The following SDAD1 variants were observed in gnomAD, a reference collection of about 807,000 sequenced individuals.
The protein encoded by SDAD1 is SDA1 domain containing 1.
A neutral mutation model predicts 100.3 loss-of-function variants in SDAD1; 79 were observed. The ratio of observed to expected loss-of-function variants is 0.79; its 90% CI spans 0.66 to 0.95. The LOEUF (loss-of-function observed/expected upper bound fraction) is 0.95, where lower values mean the gene tolerates loss of function less well. Among genes scored for constraint, SDAD1 ranks in the 40% least tolerant of loss-of-function variants. The pLI, the probability that SDAD1 is intolerant of heterozygous loss-of-function variation, is 0.00. For missense variants in SDAD1, 790 were observed against 810.9 expected (o/e 0.97, Z 0.31); for synonymous variants, 267 against 271.4 (o/e 0.98, Z 0.16).
At chr4:75,958,572 C>T (rs1165728097) in intron 17 of SDAD1, among the ~76,000 whole-genome samples, 5 of 152,142 alleles carry the variant, frequency 3.3e-5, no homozygotes, top group South Asian at 2.1e-4. Flanking sequence ...TTTAAGAGAA[C>T]GTGCCAGCTC....
At chr4:75,967,950 G>C (rs568160093) in intron 11 of SDAD1, among the ~76,000 whole-genome samples, 1 of 152,294 alleles carries the variant, frequency 6.6e-6, no homozygotes, top group South Asian at 2.1e-4. Flanking sequence ...ATTTCAAGAA[G>C]AGAAACTGGA....
chr4:75,967,171 T>C (rs1729594198), intron 12 of SDAD1, 106 bp downstream of exon 12: 2 of 1,033,468 alleles, frequency 1.9e-6, no homozygotes, highest in African/African-American at 1.6e-5. Flanking sequence ...ACATCTCTAA[T>C]GTAGAGCACA....
At chr4:75,961,948 T>C (rs1729259492) in intron 14 of SDAD1, among the ~76,000 whole-genome samples, 1 of 152,226 alleles carries the variant, frequency 6.6e-6, no homozygotes, top group Non-Finnish European at 1.5e-5. Flanking sequence ...GTGCACAACG[T>C]GCAGGTTTGT....
At chr4:75,959,662 C>G (rs1729119951) in intron 17 of SDAD1, among the ~76,000 whole-genome samples, 1 of 151,984 alleles carries the variant, frequency 6.6e-6, no homozygotes, top group African/African-American at 2.4e-5. Flanking sequence ...ATACACGACT[C>G]TGGAAATTAG....
chr4:75,975,075 TAAA>T (rs1730085570), intron 6 of SDAD1, among the ~76,000 whole-genome samples: 3 of 151,600 alleles, frequency 2.0e-5, no homozygotes, highest in Admixed American at 6.6e-5. Context: ...TTAAAAAAAA[TAAA>T]AACTGTAATA....
chr4:75,985,876 G>A (rs1730862017), intron 1 of SDAD1, among the ~76,000 whole-genome samples: 1 of 152,042 alleles, frequency 6.6e-6, no homozygotes, highest in Non-Finnish European at 1.5e-5. Context: ...AGTCCACTAA[G>A]CCTACTACCT....
At chr4:75,955,379 G>A (rs574506202) in intron 21 of SDAD1, among the ~76,000 whole-genome samples, 32 of 152,256 alleles carry the variant, frequency 2.1e-4, no homozygotes, top group Non-Finnish European at 3.8e-4. Flanking sequence ...TCTTGTGTGT[G>A]TCTTTTATTT....
At chr4:75,983,468 T>TTA (rs1275644709) in intron 1 of SDAD1, among the ~76,000 whole-genome samples, 1 of 152,246 alleles carries the variant, frequency 6.6e-6, no homozygotes, top group East Asian at 1.9e-4. Context: ...TTTCCTGACT[T>TTA]TTTAATGATT....
chr4:75,979,654 C>A (rs1730378192), intron 3 of SDAD1, among the ~76,000 whole-genome samples: 1 of 151,962 alleles, frequency 6.6e-6, no homozygotes, highest in African/African-American at 2.4e-5. Flanking sequence ...AGGGTTTCTC[C>A]ATGTAGGTCA....
chr4:75,988,314 G>A (rs1731024295), intron 1 of SDAD1, among the ~76,000 whole-genome samples: 1 of 152,022 alleles, frequency 6.6e-6, no homozygotes, highest in Admixed American at 6.6e-5. Context: ...TCCCTATTTG[G>A]AGCCACACTG....
At chr4:75,983,920 G>C (rs1458307353) in intron 1 of SDAD1, among the ~76,000 whole-genome samples, 1 of 151,930 alleles carries the variant, frequency 6.6e-6, no homozygotes, top group African/African-American at 2.4e-5. Context: ...TATGGTTTTA[G>C]GACTCTTGTT....
intron 21 of SDAD1, among the ~76,000 whole-genome samples, chr4:75,954,773 G>A (rs1354520341): frequency 6.6e-6 from 1 of 152,206 alleles, no homozygotes; most frequent in Non-Finnish European, 1.5e-5. Flanking sequence ...TGCAGTCAGG[G>A]AGGTTTCACA....
In SDAD1 at chr4:75,982,005, A is replaced by G; in HGVS notation, c.123T>C (p.Asn41=). ...FLQQYNHYKS[N]VEIFKLQPNK... The stretch of plus-strand genomic sequence containing the variant: ...TTGGTTGCAATTTGAAAATCTCCAC[A>G]TTGGATTTGTAGTGATTATACTGCT... The change falls in exon 2 of 22, where the codon AAT becomes AAC. Residue 41 remains asparagine (N), a synonymous_variant. Coordinates refer to ENST00000356260, the MANE Select transcript of SDAD1 (RefSeq NM_018115.4). The G allele has an allele frequency of 6.2e-7, 1 of 1,612,402 alleles. No individual in the cohort carries two copies.
chr4:75,956,724 G>A (rs1728917607), intron 20 of SDAD1, among the ~76,000 whole-genome samples: 1 of 152,154 alleles, frequency 6.6e-6, no homozygotes, highest in Non-Finnish European at 1.5e-5. Flanking sequence ...TAAATATAGT[G>A]GCTTCCTGAC....
chr4:75,985,214 C>A (rs1730820976), intron 1 of SDAD1, among the ~76,000 whole-genome samples: 2 of 152,096 alleles, frequency 1.3e-5, no homozygotes, highest in African/African-American at 4.8e-5. Context: ...CCCAGTATTC[C>A]CTGGCCATCC....
rs375225256 is a variant in SDAD1 at position 75,966,267 on chromosome 4, T to TACACACACACACACACACAC, written c.1046-465_1046-446dup. On this transcript the variant is annotated intron_variant, in intron 12 of 21. Transcript: ENST00000356260. ...AATAAATACTTGCTGAATGAATGCA[T>TACACACACACACACACACAC]ACACACACACACACACACACACACA... is the stretch of plus-strand genomic sequence containing the variant. 2.2e-5 allele frequency among the ~76,000 whole-genome samples: 3 copies of TACACACACACACACACACAC among 139,286 alleles called. No individual in the cohort carries two copies. The Admixed American group carries it at 2.2e-4, about 10-fold the overall frequency. The allele number at this position is 139,286 out of a possible 152,430, so 91.4% of individuals were successfully genotyped here. A position where few individuals can be genotyped will look rare whatever the true frequency, so the allele number is the denominator to read the frequency against.
chr4:75,955,936 A>G, intron 21 of SDAD1, 39 bp downstream of exon 21: 1 of 1,559,346 alleles, frequency 6.4e-7, no homozygotes, highest in Non-Finnish European at 8.6e-7. Context: ...TTGGAATTAC[A>G]GTGCTGTTCT....
In SDAD1 at chr4:75,975,811, C is replaced by G. The variant is rs762294094; in HGVS notation, c.511G>C (p.Asp171His). 1.2e-6 allele frequency: 2 copies of G among 1,613,880 alleles called. No individual in the cohort carries two copies. Among genetic ancestry groups the G allele is most frequent in the Non-Finnish European group, 1.7e-6 (2 of 1,179,940 alleles). The change falls in exon 6 of 22, where the codon GAT becomes CAT. Residue 171 changes from aspartate (D) to histidine (H), a missense_variant. Coordinates refer to ENST00000356260, the MANE Select transcript of SDAD1 (RefSeq NM_018115.4). ...LQNFMYTMLR[D>H]SNATAAKMSL... ...ATCTTGGCTGCGGTTGCATTGCTAT[C>G]TCTTAACATGGTGTACATGAAATTT...
chr4:75,954,593 T>A (rs1407481350), intron 21 of SDAD1, among the ~76,000 whole-genome samples: 1 of 152,096 alleles, frequency 6.6e-6, no homozygotes, highest in Non-Finnish European at 1.5e-5. Flanking sequence ...GGATCACTTG[T>A]AGGGAGACCC....
Sources: gnomAD v4.1 joint callset for allele counts (sites outside exome capture counted in the v4.1 genomes callset) on GRCh38, gnomAD v4.1.1 for gene constraint, MANE v1.5 for transcripts, NCBI Gene and HGNC (gene_info 2026-07-23, HGNC 2026-07-21) for gene names.